OGDH: variants seen among roughly 807,000 people sequenced by gnomAD.
OGDH encodes 2-oxoglutarate dehydrogenase complex component E1.
A neutral mutation model predicts 116.6 loss-of-function variants in OGDH; 38 were observed. That is an observed-to-expected ratio of 0.33 (90% CI 0.25 to 0.43). OGDH has a LOEUF of 0.43. Ranked by LOEUF, OGDH falls within the 20% of genes least tolerant of loss-of-function variation. The pLI is 1.00. For synonymous variants in OGDH, 488 were observed against 533.3 expected, an observed-to-expected ratio of 0.92 and a Z score of 1.17; for missense variants, 825 against 1,357.2, an observed-to-expected ratio of 0.61 and a Z score of 6.16.
At chr7:44,629,690 G>C (rs141213113) in intron 2 of OGDH, among the ~76,000 whole-genome samples, 1 of 146,674 alleles carries the variant, frequency 6.8e-6, no homozygotes, top group African/African-American at 2.6e-5. Context: ...AGCAATTCTC[G>C]TACCTCAGTC....
chr7:44,636,822 C>T (rs1187508506), intron 2 of OGDH, among the ~76,000 whole-genome samples: 1 of 152,162 alleles, frequency 6.6e-6, no homozygotes, highest in African/African-American at 2.4e-5. Flanking sequence ...GGTTTCATTT[C>T]ATCCAGAATG....
At chr7:44,620,187 A>G (rs1261192661) in intron 1 of OGDH, among the ~76,000 whole-genome samples, 1 of 152,098 alleles carries the variant, frequency 6.6e-6, no homozygotes, top group African/African-American at 2.4e-5. Flanking sequence ...TGCCCAGCTA[A>G]TTTTTGTATT....
chr7:44,666,859 C>G lies in OGDH; in HGVS notation c.633+8C>G. On this transcript the variant is annotated splice_region_variant and intron_variant, in intron 5 of 22. Transcript: ENST00000222673. ...ATCATCCGTCGGCTGGAGGTAAGAG[C>G]AGTTTCTGGAAAAATCTAATGGACT... 6.3e-7 allele frequency: 1 copy of G among 1,578,378 alleles called. No homozygotes were observed. The highest frequency in any genetic ancestry group is 1.1e-5 in the South Asian group (1 of 88,764).
At chr7:44,690,654 C>T (rs1253377870) in intron 10 of OGDH, among the ~76,000 whole-genome samples, 1 of 152,286 alleles carries the variant, frequency 6.6e-6, no homozygotes, top group African/African-American at 2.4e-5. Context: ...GTAGATAATC[C>T]TGCTGGTAGA....
In OGDH at chr7:44,624,316, G is replaced by C; in HGVS notation, c.-27-1G>C. ...GTTTTTTTTTTTTTTTTTTTGTACA[G>C]GCAGTTGTGAAAAACTTCAGGACAA... is the stretch of plus-strand genomic sequence containing the variant. On this transcript the variant is annotated splice_acceptor_variant, in intron 1 of 22. Transcript: ENST00000222673. LOFTEE classifies it low-confidence loss of function (5UTR_SPLICE). 2 of 650,650 alleles carry C rather than the reference G, an allele frequency of 3.1e-6. No homozygotes were observed. Among genetic ancestry groups the C allele is most frequent in the Non-Finnish European group, 5.1e-6 (2 of 395,530 alleles). 40.3% of individuals were successfully genotyped at this position (650,650 alleles called of 1,614,324 possible). A position where few individuals can be genotyped will look rare whatever the true frequency, so the allele number is the denominator to read the frequency against.
rs1788584373 is a variant in OGDH, at chr7:44,696,424, C to T, written c.1772-5C>T. On this transcript the variant is annotated splice_polypyrimidine_tract_variant and splice_region_variant and intron_variant, in intron 13 of 22. Transcript: ENST00000222673. ...GTCATGCCTCAGTTGTTCTTCTTCT[C>T]CTAGGCTTCTTCACCCTGGACGGGC... 6.2e-7 allele frequency: 1 copy of T among 1,611,438 alleles called. No individual in the cohort carries two copies. Among genetic ancestry groups the T allele is most frequent in the Non-Finnish European group, 8.5e-7 (1 of 1,179,058 alleles).
In OGDH at chr7:44,666,764, C is replaced by G. The variant is rs140413676; in HGVS notation, c.546C>G (p.Leu182=). The change falls in exon 5 of 23, where the codon CTC becomes CTG. Residue 182 remains leucine, a synonymous_variant. Transcript: ENST00000222673. ...TCTATGGCCTGGATGAGTCTGACCT[C>G]GACAAGGTCTTCCACTTGCCCACCA... ...LGFYGLDESD[L]DKVFHLPTTT... 4.3e-6 allele frequency: 7 copies of G among 1,613,020 alleles called. No individual in the cohort carries two copies. In the Admixed American group the frequency reaches 1.2e-4, roughly 27 times the overall value.
intron 4 of OGDH, 78 bp downstream of exon 4, chr7:44,647,837 A>C (rs939602392): frequency 8.3e-6 from 9 of 1,079,000 alleles, no homozygotes; most frequent in Middle Eastern, 4.0e-4. Context: ...CAGGATGTCC[A>C]GGCAGGAGGG....
chr7:44,666,767 C>G lies in OGDH; in HGVS notation c.549C>G (p.Asp183Glu). Residue 183 changes from aspartate to glutamate, a missense_variant, in exon 5 of 23, where the codon GAC (aspartate) becomes GAG (glutamate). This residue lies in a region of OGDH where 171 missense variants were observed against 276.8 expected (regional missense o/e 0.62). Transcript: ENST00000222673. ...ATGGCCTGGATGAGTCTGACCTCGACAAGGTCTTCCACTTGCCCACCACCA... is the reference window on the plus strand; with the variant it reads ...ATGGCCTGGATGAGTCTGACCTCGAGAAGGTCTTCCACTTGCCCACCACCA... ...GFYGLDESDL[D>E]KVFHLPTTTF... 6.2e-7 allele frequency: 1 copy of G among 1,613,090 alleles called. No homozygotes were observed. Among genetic ancestry groups the G allele is most frequent in the Non-Finnish European group, 8.5e-7 (1 of 1,179,552 alleles).
intron 1 of OGDH, among the ~76,000 whole-genome samples, chr7:44,622,504 A>T (rs1302690643): frequency 6.6e-6 from 1 of 151,480 alleles, no homozygotes; most frequent in African/African-American, 2.4e-5. Flanking sequence ...ACTTTTGCTG[A>T]CCTATCTCTT....
In OGDH at chr7:44,675,187, G is replaced by A. The variant is rs745682469; in HGVS notation, c.945G>A (p.Leu315=). ...VIMGMPHRGR[L]NVLANVIRKE... ...CGCCCATACGTTCCAGAGGGCGGCT[G>A]AACGTGCTTGCAAATGTCATCAGGA... Residue 315 remains leucine, a synonymous_variant, in exon 8 of 23, where the codon CTG becomes CTA. Coordinates refer to ENST00000222673, the MANE Select transcript of OGDH (RefSeq NM_002541.4). 2 of 1,614,068 alleles carry A rather than the reference G, an allele frequency of 1.2e-6. No homozygotes were observed. The highest frequency in any genetic ancestry group is 1.7e-6 in the Non-Finnish European group (2 of 1,179,992).
At chr7:44,612,903 C>T (rs1019505991) in intron 1 of OGDH, among the ~76,000 whole-genome samples, 6 of 146,970 alleles carry the variant, frequency 4.1e-5, no homozygotes, top group Admixed American at 1.4e-4. Context: ...TTTTTTGAGA[C>T]GGAGTGTCAC....
At chr7:44,671,326 A>G (rs780207081) in intron 5 of OGDH, among the ~76,000 whole-genome samples, 12 of 151,934 alleles carry the variant, frequency 7.9e-5, no homozygotes, top group Admixed American at 4.6e-4. Context: ...TAGAGCAAGA[A>G]CCCACTCACC....
intron 4 of OGDH, 79 bp downstream of exon 4, chr7:44,647,838 G>A (rs564645353): frequency 4.8e-4 from 519 of 1,071,160 alleles, no homozygotes; most frequent in Admixed American, 1.1e-3. Context: ...AGGATGTCCA[G>A]GCAGGAGGGA....
At chr7:44,685,411 C>T (rs776970031) in intron 10 of OGDH, among the ~76,000 whole-genome samples, 1 of 152,190 alleles carries the variant, frequency 6.6e-6, no homozygotes, top group African/African-American at 2.4e-5. Context: ...GCAGAATGTC[C>T]TCAAGGTCCA....
chr7:44,608,420 CG>C (rs1562602817), intron 1 of OGDH, among the ~76,000 whole-genome samples: 2 of 151,784 alleles, frequency 1.3e-5, no homozygotes, highest in Non-Finnish European at 1.5e-5. Flanking sequence ...AAAAAAAGGC[CG>C]GGCGCAGTGG....
At chr7:44,649,455 G>A (rs1469602387) in intron 4 of OGDH, among the ~76,000 whole-genome samples, 2 of 151,700 alleles carry the variant, frequency 1.3e-5, no homozygotes, top group African/African-American at 4.8e-5. Flanking sequence ...TCACCATGTC[G>A]CCCACCTCAG....
rs540481402 is a variant in OGDH at position 44,693,655 on chromosome 7, T to C, written c.1336-170T>C. On this transcript the variant is annotated intron_variant, in intron 10 of 22. Transcript: ENST00000222673. The stretch of plus-strand genomic sequence containing the variant: ...TGTTAAATATATATGGATTTTGTTA[T>C]CAGAATAGGAAAAAACAAAGGAAAA... 9.9e-5 allele frequency among the ~76,000 whole-genome samples: 15 copies of C among 152,264 alleles called. No individual in the cohort carries two copies. In the South Asian group the frequency reaches 2.7e-3, roughly 27 times the overall value.
At chr7:44,618,901 T>C (rs1784904299) in intron 1 of OGDH, among the ~76,000 whole-genome samples, 1 of 152,238 alleles carries the variant, frequency 6.6e-6, no homozygotes, top group South Asian at 2.1e-4. Flanking sequence ...AAGAAGAATC[T>C]GAACAAACAG....
Sources: allele counts gnomAD v4.1 joint callset (sites outside exome capture counted in the v4.1 genomes callset), GRCh38; gene constraint gnomAD v4.1.1; regional missense constraint gnomAD v4.1.1; transcripts MANE v1.5; gene names NCBI Gene and HGNC (gene_info 2026-07-23, HGNC 2026-07-21).